CAMK2D: variants seen among roughly 807,000 people sequenced by gnomAD.
CAMK2D encodes the protein calcium/calmodulin-dependent protein kinase type II subunit delta.
In CAMK2D, 37 loss-of-function variants were observed where a neutral mutation model predicts 84.0. The observed-to-expected ratio is 0.44, with a 90% CI of 0.34 to 0.58. The LOEUF (loss-of-function observed/expected upper bound fraction) is 0.58, where lower values mean the gene tolerates loss of function less well. Ranked by LOEUF, CAMK2D falls within the 20% of genes least tolerant of loss-of-function variation. The pLI, the probability that CAMK2D is intolerant of heterozygous loss-of-function variation, is 0.02. For synonymous variants in CAMK2D, 202 were observed against 212.5 expected (o/e 0.95, Z 0.43); for missense variants, 448 against 652.5 (o/e 0.69, Z 3.41).
intron 2 of CAMK2D, among the ~76,000 whole-genome samples, chr4:113,674,913 G>A (rs1412658946): frequency 6.6e-6 from 1 of 151,618 alleles, no homozygotes; most frequent in Non-Finnish European, 1.5e-5. Context: ...CTTAAAACTT[G>A]AGACTCTAGG....
chr4:113,497,241 A>C lies in CAMK2D; in HGVS notation c.1135+3222T>G, dbSNP rs144637199. 2.8e-4 allele frequency among the ~76,000 whole-genome samples: 42 copies of C among 152,286 alleles called. No individual in the cohort carries two copies. In the East Asian group the frequency reaches 7.9e-3, roughly 29 times the overall value. On this transcript the variant is annotated intron_variant, in intron 16 of 20. Coordinates refer to ENST00000511664, the MANE Select transcript of CAMK2D (RefSeq NM_001321571.2). ...TAACAAGATTCATATAAAGGGTAGG[A>C]AACAGCATTTTGACTCTGGTGCATT...
intron 4 of CAMK2D, among the ~76,000 whole-genome samples, chr4:113,573,711 T>C (rs2098765842): frequency 6.6e-6 from 1 of 152,226 alleles, no homozygotes; most frequent in Non-Finnish European, 1.5e-5. Context: ...CTGATGTAAA[T>C]TCTCACTTAC....
intron 3 of CAMK2D, among the ~76,000 whole-genome samples, chr4:113,615,332 A>C (rs2099016899): frequency 6.6e-6 from 1 of 152,050 alleles, no homozygotes. Flanking sequence ...TATTACATTA[A>C]AAATGTAAAA....
intron 2 of CAMK2D, among the ~76,000 whole-genome samples, chr4:113,664,093 G>T (rs1364697905): frequency 6.6e-6 from 1 of 152,102 alleles, no homozygotes; most frequent in East Asian, 1.9e-4. Flanking sequence ...CATCTACAAG[G>T]CCAAGGAGAA....
At chr4:113,596,827 T>A (rs374735838) in intron 4 of CAMK2D, among the ~76,000 whole-genome samples, 9,639 of 151,840 alleles carry the variant, frequency 0.063, 355 homozygotes, top group South Asian at 0.1. Context: ...AGAATTTTTT[T>A]TTTTTTTTTT....
In CAMK2D at chr4:113,493,359, A is replaced by G. The variant is rs1327443980; in HGVS notation, c.1135+7104T>C. Among the ~76,000 whole-genome samples, 570 of 150,954 alleles carry G rather than the reference A, an allele frequency of 3.8e-3. 3 individuals are homozygous for G. The highest frequency in any genetic ancestry group is 0.013 in the African/African-American group (531 of 41,360). On this transcript the variant is annotated intron_variant, in intron 16 of 20. Coordinates refer to ENST00000511664, the MANE Select transcript of CAMK2D (RefSeq NM_001321571.2). ...CCTGGTGGTGACAAAATCTCTCAGC[A>G]TTTGCTTGTCTGTAAAGTATTTTAT... is the stretch of plus-strand genomic sequence containing the variant.
intron 16 of CAMK2D, among the ~76,000 whole-genome samples, chr4:113,494,569 T>G (rs2154143070): frequency 6.6e-6 from 1 of 152,380 alleles, no homozygotes; most frequent in East Asian, 1.9e-4. Context: ...CATTTAAGTC[T>G]GCAGAGATTA....
At chr4:113,503,331 G>A (rs1041804137) in intron 14 of CAMK2D, 1 of 544,316 alleles carries the variant, frequency 1.8e-6, no homozygotes, top group Non-Finnish European at 3.6e-6. Context: ...CTGTCCCATA[G>A]AGAACTGGCC....
intron 2 of CAMK2D, chr4:113,754,105 T>A: frequency 2.3e-6 from 2 of 874,670 alleles, no homozygotes; most frequent in Non-Finnish European, 2.7e-6. Flanking sequence ...TAAAGATATG[T>A]TTTACAGTTA....
At chr4:113,734,862 T>G (rs980108361) in intron 2 of CAMK2D, among the ~76,000 whole-genome samples, 3 of 148,562 alleles carry the variant, frequency 2.0e-5, no homozygotes, top group Admixed American at 2.0e-4. Flanking sequence ...AAAAGTTTTT[T>G]AAACCAGTTT....
At chr4:113,675,763 A>C (rs1366387403) in intron 2 of CAMK2D, among the ~76,000 whole-genome samples, 1 of 152,234 alleles carries the variant, frequency 6.6e-6, no homozygotes, top group East Asian at 1.9e-4. Flanking sequence ...GCATAAAATT[A>C]AAAATAATAA....
intron 2 of CAMK2D, among the ~76,000 whole-genome samples, chr4:113,727,842 T>A (rs892711074): frequency 1.3e-5 from 2 of 152,132 alleles, no homozygotes; most frequent in African/African-American, 4.8e-5. Context: ...AATGCACATT[T>A]TTTAAAGGGC....
At chr4:113,676,603 G>A (rs1451142348) in intron 2 of CAMK2D, among the ~76,000 whole-genome samples, 1 of 152,156 alleles carries the variant, frequency 6.6e-6, no homozygotes, top group Non-Finnish European at 1.5e-5. Context: ...AATGACTATT[G>A]TGAATTAAAG....
intron 2 of CAMK2D, among the ~76,000 whole-genome samples, chr4:113,679,069 T>G (rs2099329879): frequency 6.6e-6 from 1 of 152,174 alleles, no homozygotes; most frequent in East Asian, 1.9e-4. Context: ...CTATGTACTG[T>G]GCCTTGTTTT....
In CAMK2D at chr4:113,515,129, A is replaced by G. The variant is rs2098268065; in HGVS notation, c.759T>C (p.Leu253=). ...TGATGCGTTTGGCAGGGTTGATAGT[A>G]AGCATTTTATTGATGAGGTCTTTGG... ...PEAKDLINKM[L]TINPAKRITA... Residue 253 remains leucine (L), a synonymous_variant, in exon 10 of 21, where the codon CTT becomes CTC. Coordinates refer to ENST00000511664, the MANE Select transcript of CAMK2D (RefSeq NM_001321571.2). 6.2e-7 allele frequency: 1 copy of G among 1,612,486 alleles called. No individual in the cohort carries two copies. The highest frequency in any genetic ancestry group is 1.3e-5 in the African/African-American group (1 of 74,882).
chr4:113,457,114 C>G, intron 19 of CAMK2D: 1 of 1,184,826 alleles, frequency 8.4e-7, no homozygotes, highest in Non-Finnish European at 1.1e-6. Context: ...CCTGTCTAAA[C>G]CTATCATATA....
Position 113,547,132 on chromosome 4 carries a change from A to G in CAMK2D, c.414+512T>C, listed in dbSNP as rs1237353375. On this transcript the variant is annotated intron_variant, in intron 6 of 20. Transcript: ENST00000511664. ...AACTAAGAGGCCTCAGTGTCCTCAG[A>G]ATTCCTAGGACTAATGTTAAGGGAA... 2.0e-5 allele frequency among the ~76,000 whole-genome samples: 3 copies of G among 152,216 alleles called. No individual in the cohort carries two copies. In the East Asian group the frequency reaches 5.8e-4, roughly 29 times the overall value.
chr4:113,708,195 G>A (rs927482184), intron 2 of CAMK2D, among the ~76,000 whole-genome samples: 1 of 152,056 alleles, frequency 6.6e-6, no homozygotes, highest in Non-Finnish European at 1.5e-5. Context: ...TATATTATAG[G>A]CAAATTGTGG....
At chr4:113,531,448 A>G in intron 7 of CAMK2D, 149 bp from the exon 8 acceptor site, 1 of 616,300 alleles carries the variant, frequency 1.6e-6, no homozygotes, top group Non-Finnish European at 2.9e-6. Flanking sequence ...AATAGTGTAG[A>G]CTTTCTCTTT....
Sources: allele counts gnomAD v4.1 joint callset (sites outside exome capture counted in the v4.1 genomes callset), GRCh38; gene constraint gnomAD v4.1.1; transcripts MANE v1.5; gene names NCBI Gene and HGNC (gene_info 2026-07-23, HGNC 2026-07-21).